ACAT1: variants seen among roughly 807,000 people sequenced by gnomAD.
ACAT1 encodes acetyl-CoA acetyltransferase 1, also known as acetyl-CoA acetyltransferase, mitochondrial.
In ACAT1, 28 loss-of-function variants were observed where a neutral mutation model predicts 47.3. That is an observed-to-expected ratio of 0.59 (90% CI 0.44 to 0.81). The LOEUF (loss-of-function observed/expected upper bound fraction) is 0.81, where lower values mean the gene tolerates loss of function less well. Among genes scored for constraint, ACAT1 ranks in the 30% least tolerant of loss-of-function variants. ACAT1 has a pLI of 0.00. For missense variants in ACAT1, 469 were observed against 524.3 expected, an observed-to-expected ratio of 0.89 and a Z score of 1.03; for synonymous variants, 181 against 173.6, an observed-to-expected ratio of 1.04 and a Z score of -0.34.
Position 108,121,617 on chromosome 11 carries a change from T to C in ACAT1, c.11T>C (p.Leu4Pro), listed in dbSNP as rs1167146974. 7.7e-6 allele frequency: 12 copies of C among 1,550,912 alleles called. No homozygotes were observed. In the East Asian group the frequency reaches 2.9e-4, roughly 38 times the overall value. The change falls in exon 1 of 12, where the codon CTG (leucine) becomes CCG (proline). Residue 4 changes from leucine (L) to proline (P), a missense_variant. By Grantham distance (98) the Leu-to-Pro change is moderately conservative. Transcript: ENST00000265838. The stretch of plus-strand genomic sequence containing the variant: ...CAGCCCTCTGCGACCATGGCTGTGC[T>C]GGCGGCACTTCTGCGCAGCGGCGCC... MAVLAALLRSGARS... is the reference protein window; with the variant it reads MAVPAALLRSGARS...
At chr11:108,132,651 G>A (rs1181554154) in intron 2 of ACAT1, among the ~76,000 whole-genome samples, 2 of 151,178 alleles carry the variant, frequency 1.3e-5, no homozygotes, top group African/African-American at 4.9e-5. Flanking sequence ...TCAGGAGATC[G>A]AGACCATCCT....
intron 9 of ACAT1, chr11:108,143,776 C>T: frequency 7.0e-6 from 2 of 283,826 alleles, no homozygotes; most frequent in Non-Finnish European, 1.3e-5. Flanking sequence ...GGCAAATACC[C>T]CCAAACTCCC....
intron 2 of ACAT1, among the ~76,000 whole-genome samples, chr11:108,132,245 G>A (rs1404866394): frequency 6.6e-6 from 1 of 152,112 alleles, no homozygotes; most frequent in Admixed American, 6.6e-5. Context: ...TGTATTGTGT[G>A]TGGTACAAGC....
chr11:108,141,268 C>T (rs568282796), intron 7 of ACAT1, among the ~76,000 whole-genome samples: 1 of 149,274 alleles, frequency 6.7e-6, no homozygotes. Context: ...ACCTGTAGTC[C>T]CAGCTACTTG....
chr11:108,126,961 TTTTTA>T (rs1031503501), intron 1 of ACAT1, among the ~76,000 whole-genome samples: 16 of 151,710 alleles, frequency 1.1e-4, no homozygotes, highest in African/African-American at 1.9e-4. Context: ...CCCTGTTATT[TTTTTA>T]TTTTATTTTA....
In ACAT1 at chr11:108,142,443, T is replaced by C. The variant is rs1402102703; in HGVS notation, c.833T>C (p.Val278Ala). The C allele has an allele frequency of 1.2e-6, 2 of 1,613,964 alleles. No homozygotes were observed. The highest frequency in any genetic ancestry group is 2.2e-5 in the South Asian group (2 of 91,054). Residue 278 changes from valine to alanine, a missense_variant, in exon 9 of 12, where the codon GTA (valine) becomes GCA (alanine). Coordinates refer to ENST00000265838, the MANE Select transcript of ACAT1 (RefSeq NM_000019.4). Reference protein sequence around the residue: ...KTVFQKENGTVTAANASTLND... With the variant: ...KTVFQKENGTATAANASTLND... ...ACCTCATTTTTGCTTTCAGGCACAG[T>C]AACAGCTGCCAATGCCAGTACACTG...
intron 6 of ACAT1, 51 bp from the exon 7 acceptor site, chr11:108,140,014 A>G (rs756514034): frequency 3.8e-6 from 6 of 1,566,162 alleles, no homozygotes; most frequent in Non-Finnish European, 5.2e-6. Context: ...GTTAATAGAT[A>G]TTTTCTAAAT....
At position 108,146,309 on chromosome 11, in the gene ACAT1, C is replaced by T. The variant is rs757908194; in HGVS notation, c.1113C>T (p.Pro371=). Residue 371 remains proline, a synonymous_variant, in exon 11 of 12, where the codon CCC becomes CCT. Coordinates refer to ENST00000265838, the MANE Select transcript of ACAT1 (RefSeq NM_000019.4). ...LANIKMLEID[P]QKVNINGGAV... ...ACATTAAAATGTTGGAGATTGATCC[C>T]CAAAAAGTGAATATCAATGGAGGAG... 2.5e-6 allele frequency: 4 copies of T among 1,613,900 alleles called. No homozygotes were observed. Among genetic ancestry groups the T allele is most frequent in the Admixed American group, 3.3e-5 (2 of 60,000 alleles).
Position 108,144,248 on chromosome 11 carries a change from A to T in ACAT1, c.1005+201A>T, listed in dbSNP as rs957940182. The T allele has an allele frequency of 6.6e-6, 4 of 607,132 alleles. No homozygotes were observed. In the Admixed American group the frequency reaches 1.2e-4, roughly 18 times the overall value. The allele number at this position is 607,132 out of a possible 1,614,324, so 37.6% of individuals were successfully genotyped here. The stretch of plus-strand genomic sequence containing the variant: ...AAAAAAAAATAAAGAACAGCTCACA[A>T]ACTACATCTTCAGTAGAACAGGTAA... On this transcript the variant is annotated intron_variant, in intron 10 of 11. Transcript: ENST00000265838.
At chr11:108,140,468 G>A (rs534905018) in intron 7 of ACAT1, among the ~76,000 whole-genome samples, 2 of 152,214 alleles carry the variant, frequency 1.3e-5, no homozygotes, top group Non-Finnish European at 2.9e-5. Context: ...CAGTCAATAC[G>A]GTATTTTAAA....
Position 108,143,969 on chromosome 11 carries a change from C to A in ACAT1, c.941-14C>A. On this transcript the variant is annotated splice_polypyrimidine_tract_variant and intron_variant, in intron 9 of 11. Coordinates refer to ENST00000265838, the MANE Select transcript of ACAT1 (RefSeq NM_000019.4). ...AAAGATTTTAACAACCCCCCCCCCC[C>A]TTTTTTTAAACAGCATTTGCTGACG... 1.5e-6 allele frequency: 1 copy of A among 685,210 alleles called. No homozygotes were observed. The highest frequency in any genetic ancestry group is 2.3e-6 in the Non-Finnish European group (1 of 444,288). The allele number at this position is 685,210 out of a possible 1,614,324, so 42.4% of individuals were successfully genotyped here.
At chr11:108,142,600 G>A (rs769386552) in intron 9 of ACAT1, 50 bp downstream of exon 9, 1 of 1,443,860 alleles carries the variant, frequency 6.9e-7, no homozygotes, top group Non-Finnish European at 9.7e-7. Context: ...ACTTTCGGAG[G>A]TTGAGGTGGG....
rs397951009 is a variant in ACAT1, at chr11:108,131,354, A to ATTTT, written c.73-538_73-535dup. 8.0e-4 allele frequency among the ~76,000 whole-genome samples: 50 copies of ATTTT among 62,656 alleles called. 9 individuals carry two copies. The highest frequency in any genetic ancestry group is 7.5e-3 in the South Asian group (8 of 1,062). The allele number at this position is 62,656 out of a possible 152,430, so 41.1% of individuals were successfully genotyped here. ...AAGCTATATTTAAGAAAGACTTGGAATTTTTTTTTTTTTTTTTTAGACAGT... is the reference window on the plus strand; with the variant it reads ...AAGCTATATTTAAGAAAGACTTGGAATTTTTTTTTTTTTTTTTTTTTTAGACAGT... On this transcript the variant is annotated intron_variant, in intron 1 of 11. Coordinates refer to ENST00000265838, the MANE Select transcript of ACAT1 (RefSeq NM_000019.4).
chr11:108,133,774 A>G, intron 2 of ACAT1, 46 bp from the exon 3 acceptor site: 1 of 1,448,384 alleles, frequency 6.9e-7, no homozygotes, highest in Non-Finnish European at 9.7e-7. Context: ...ATGAAATACG[A>G]TTTGGGTAAA....
chr11:108,120,959 G>A (rs548878391), upstream of ACAT1, among the ~76,000 whole-genome samples: 46 of 152,272 alleles, frequency 3.0e-4, no homozygotes, highest in South Asian at 9.3e-3. Context: ...CCAGCACTTT[G>A]GGAGGCCGAG....
intron 1 of ACAT1, among the ~76,000 whole-genome samples, chr11:108,124,328 A>G (rs577733785): frequency 6.6e-6 from 1 of 152,216 alleles, no homozygotes; most frequent in South Asian, 2.1e-4. Flanking sequence ...CAGTGGCACG[A>G]TCTTGGCTTA....
chr11:108,134,220 G>T lies in ACAT1; in HGVS notation c.239-1G>T. The T allele has an allele frequency of 6.2e-7, 1 of 1,607,454 alleles. No homozygotes were observed. Among genetic ancestry groups the T allele is most frequent in the South Asian group, 1.1e-5 (1 of 89,970 alleles). ...TTTGACTTTTTTTTTTTTTAATAAA[G>T]GGATTCCAAAAGAAGAAGTGAAAGA... On this transcript the variant is annotated splice_acceptor_variant, in intron 3 of 11. Coordinates refer to ENST00000265838, the MANE Select transcript of ACAT1 (RefSeq NM_000019.4). LOFTEE classifies it high-confidence loss of function.
intron 6 of ACAT1, among the ~76,000 whole-genome samples, chr11:108,139,531 G>T (rs1024478568): frequency 1.4e-4 from 21 of 151,862 alleles, no homozygotes; most frequent in Non-Finnish European, 2.1e-4. Context: ...GGTGGAGGTT[G>T]CATTGAGCCA....
chr11:108,141,051 C>T (rs1238877680), intron 7 of ACAT1, among the ~76,000 whole-genome samples: 4 of 151,812 alleles, frequency 2.6e-5, no homozygotes, highest in Non-Finnish European at 4.4e-5. Flanking sequence ...CGAAGTGAGA[C>T]TTGGCCTCCA....
Sources: allele counts gnomAD v4.1 joint callset (sites outside exome capture counted in the v4.1 genomes callset), GRCh38; gene constraint gnomAD v4.1.1; transcripts MANE v1.5; gene names NCBI Gene and HGNC (gene_info 2026-07-23, HGNC 2026-07-21).